The following AVL9 variants were observed in gnomAD, a reference collection of about 807,000 sequenced individuals.
The protein encoded by AVL9 is late secretory pathway protein AVL9 homolog.
AVL9 carries 49 observed loss-of-function variants against 79.2 expected under a neutral mutation model. The observed-to-expected ratio is 0.62, with a 90% confidence interval of 0.49 to 0.79. AVL9 has a LOEUF of 0.79. Ranked by LOEUF, AVL9 falls within the 30% of genes least tolerant of loss-of-function variation. AVL9 has a pLI of 0.00. For synonymous variants in AVL9, 299 were observed against 280.6 expected (o/e 1.07, Z -0.65); for missense variants, 682 against 776.8 (o/e 0.88, Z 1.45).
At chr7:32,531,404 T>C (rs546535962) in intron 1 of AVL9, among the ~76,000 whole-genome samples, 13 of 152,390 alleles carry the variant, frequency 8.5e-5, no homozygotes, top group Non-Finnish European at 1.3e-4. Context: ...TATATGAATA[T>C]ACATGTTAAT....
chr7:32,562,088 G>A (rs1363620956), intron 10 of AVL9, among the ~76,000 whole-genome samples: 3 of 152,154 alleles, frequency 2.0e-5, no homozygotes, highest in African/African-American at 7.2e-5. Context: ...ACAATAATAA[G>A]GAAAACGTGT....
At chr7:32,515,384 G>T (rs994278518) in intron 1 of AVL9, among the ~76,000 whole-genome samples, 1 of 152,170 alleles carries the variant, frequency 6.6e-6, no homozygotes, top group East Asian at 1.9e-4. Flanking sequence ...AGGACAATTG[G>T]CTGAGAGCTG....
intron 8 of AVL9, among the ~76,000 whole-genome samples, chr7:32,558,102 C>A (rs1402266649): frequency 6.6e-6 from 1 of 151,236 alleles, no homozygotes; most frequent in Non-Finnish European, 1.5e-5. Context: ...TATCTGCCCG[C>A]CTTGGCCTCC....
At position 32,587,021 on chromosome 7, in the gene AVL9, C is replaced by T. The variant is rs1425085742; in HGVS notation, c.*3114C>T. 6.6e-6 allele frequency: 1 copy of T among 152,262 alleles called. No individual in the cohort carries two copies. Among genetic ancestry groups the T allele is most frequent in the Non-Finnish European group, 1.5e-5 (1 of 68,064 alleles). 9.4% of individuals were successfully genotyped at this position (152,262 alleles called of 1,614,324 possible). ...CCAAGCACAGCCCTAAAACAATTCT[C>T]GTCCACTTTCCTGTTAAGAAACACA... On this transcript the variant is annotated 3_prime_UTR_variant, in exon 16 of 16. Coordinates refer to ENST00000318709, the MANE Select transcript of AVL9 (RefSeq NM_015060.3).
intron 1 of AVL9, chr7:32,537,045 A>G (rs1788944944): frequency 6.6e-6 from 1 of 152,142 alleles, no homozygotes; most frequent in African/African-American, 2.4e-5. Context: ...TGACTAAACC[A>G]TTGGCCATTG....
At chr7:32,560,779 A>G (rs1463235845) in intron 10 of AVL9, among the ~76,000 whole-genome samples, 1 of 152,246 alleles carries the variant, frequency 6.6e-6, no homozygotes, top group Non-Finnish European at 1.5e-5. Flanking sequence ...CTATAGCCTT[A>G]TGAAATGTGT....
intron 12 of AVL9, among the ~76,000 whole-genome samples, chr7:32,574,108 TTAAC>T (rs562252250): frequency 1.1e-3 from 163 of 152,350 alleles, no homozygotes; most frequent in Non-Finnish European, 2.1e-3. Flanking sequence ...TTTGTTTCAG[TTAAC>T]TAACCATTAT....
intron 10 of AVL9, among the ~76,000 whole-genome samples, chr7:32,566,141 AATT>A (rs1347001564): frequency 1.3e-5 from 2 of 151,136 alleles, no homozygotes; most frequent in East Asian, 1.9e-4. Context: ...CATCTCAACA[AATT>A]ATTATTATTT....
intron 13 of AVL9, among the ~76,000 whole-genome samples, chr7:32,579,086 G>A (rs1199290106): frequency 6.6e-6 from 1 of 151,154 alleles, no homozygotes; most frequent in Non-Finnish European, 1.5e-5. Context: ...GCCATGAAGA[G>A]TAGTTTGTTA....
intron 1 of AVL9, among the ~76,000 whole-genome samples, chr7:32,522,455 C>T (rs1788204494): frequency 6.6e-6 from 1 of 152,194 alleles, no homozygotes; most frequent in Admixed American, 6.5e-5. Context: ...TCTGGACTTG[C>T]ATGGGACCCG....
At chr7:32,523,968 C>T (rs541143984) in intron 1 of AVL9, among the ~76,000 whole-genome samples, 22 of 151,858 alleles carry the variant, frequency 1.4e-4, no homozygotes, top group African/African-American at 4.8e-4. Flanking sequence ...CTCCTGACCT[C>T]GTGATCTGCC....
rs766229701 is a variant in AVL9, at chr7:32,559,146, A to G, written c.897A>G (p.Gln299=). ...AAMKTEEPLF[Q]VEDSSKGQEP... Reference sequence around the variant, plus strand: ...TGAAGACTGAGGAGCCTTTGTTCCAAGTGGAAGACAGCAGCAAAGGGCAGG... The same window carrying G: ...TGAAGACTGAGGAGCCTTTGTTCCAGGTGGAAGACAGCAGCAAAGGGCAGG... Residue 299 remains glutamine (Q), a synonymous_variant, in exon 10 of 16, where the codon CAA becomes CAG. Transcript: ENST00000318709. The G allele has an allele frequency of 5.6e-6, 9 of 1,614,008 alleles. No individual in the cohort carries two copies. Among genetic ancestry groups the G allele is most frequent in the Non-Finnish European group, 2.5e-6 (3 of 1,180,016 alleles).
At chr7:32,534,260 G>C (rs183807036) in intron 1 of AVL9, 1 of 152,188 alleles carries the variant, frequency 6.6e-6, no homozygotes, top group Non-Finnish European at 1.5e-5. Flanking sequence ...AATCAAAATA[G>C]ATTTGGCCAC....
rs1201602639 is a variant in AVL9 at position 32,585,133 on chromosome 7, ATT to A, written c.*1227_*1228del. On this transcript the variant is annotated 3_prime_UTR_variant, in exon 16 of 16. Transcript: ENST00000318709. ...GACCTACAGCTTTTCTCGTAGTCTTATTCATAAAGCTTTTCAAAGCACTTAGT... is the reference window on the plus strand; with the variant it reads ...GACCTACAGCTTTTCTCGTAGTCTTACATAAAGCTTTTCAAAGCACTTAGT... 1 of 152,102 alleles carries A rather than the reference ATT, an allele frequency of 6.6e-6. No homozygotes were observed. The highest frequency in any genetic ancestry group is 2.4e-5 in the African/African-American group (1 of 41,420). The allele number at this position is 152,102 out of a possible 1,614,324, so 9.4% of individuals were successfully genotyped here.
rs776410358 is a variant in AVL9, at chr7:32,559,381, A to G, written c.1132A>G (p.Thr378Ala). 17 of 1,613,900 alleles carry G rather than the reference A, an allele frequency of 1.1e-5. No homozygotes were observed. The East Asian group carries it at 3.8e-4, about 36-fold the overall frequency. The change falls in exon 10 of 16, where the codon ACG becomes GCG. Residue 378 changes from threonine to alanine, a missense_variant. Thr to Ala is a moderately conservative substitution (Grantham distance 58, BLOSUM62 0). Transcript: ENST00000318709. Reference sequence around the variant, plus strand: ...AATTACTGTACAACCTCAAGCTAATACGGGACAGGTAGTCCTGATACCAGG... The same window carrying G: ...AATTACTGTACAACCTCAAGCTAATGCGGGACAGGTAGTCCTGATACCAGG... ...LPITVQPQAN[T>A]GQVVLIPGLI...
chr7:32,576,879 C>T (rs1316616388), intron 13 of AVL9, among the ~76,000 whole-genome samples: 2 of 152,152 alleles, frequency 1.3e-5, no homozygotes, highest in Non-Finnish European at 2.9e-5. Flanking sequence ...AACTTAATAC[C>T]TGCTGTAATA....
chr7:32,588,080 CTA>C lies in AVL9; in HGVS notation c.*4179_*4180del, dbSNP rs1479466121. On this transcript the variant is annotated 3_prime_UTR_variant, in exon 16 of 16. Coordinates refer to ENST00000318709, the MANE Select transcript of AVL9 (RefSeq NM_015060.3). ...ACCTTTTTACTTATATGAAAGATAA[CTA>C]TATATTTAAATCATGTAAGTGGAAC... 4 of 152,068 alleles carry C rather than the reference CTA, an allele frequency of 2.6e-5. No individual in the cohort carries two copies. In the East Asian group the frequency reaches 7.7e-4, roughly 29 times the overall value. 9.4% of individuals were successfully genotyped at this position (152,068 alleles called of 1,614,324 possible). A position where few individuals can be genotyped will look rare whatever the true frequency, so the allele number is the denominator to read the frequency against.
rs1378065121 is a variant in AVL9 at position 32,587,610 on chromosome 7, A to G, written c.*3703A>G. On this transcript the variant is annotated 3_prime_UTR_variant, in exon 16 of 16. Transcript: ENST00000318709. ...AGTGGGGAGAAGGCTGGGACTCTTC[A>G]TGGCATCAACACTTGCATGCTCTGA... The G allele has an allele frequency of 6.6e-6, 1 of 152,144 alleles. No homozygotes were observed. The allele number at this position is 152,144 out of a possible 1,614,324, so 9.4% of individuals were successfully genotyped here.
intron 12 of AVL9, among the ~76,000 whole-genome samples, chr7:32,574,788 C>A (rs995915165): frequency 2.6e-5 from 4 of 152,048 alleles, no homozygotes; most frequent in African/African-American, 9.7e-5. Context: ...TTACAAGTAA[C>A]AAGGTCAAAA....
Sources: gnomAD v4.1 joint callset for allele counts (sites outside exome capture counted in the v4.1 genomes callset) on GRCh38, gnomAD v4.1.1 for gene constraint, MANE v1.5 for transcripts, NCBI Gene and HGNC (gene_info 2026-07-23, HGNC 2026-07-21) for gene names.